LRRIQ3: variants seen among roughly 807,000 people sequenced by gnomAD.
LRRIQ3 encodes leucine rich repeats and IQ motif containing 3, also known as leucine-rich repeat and IQ domain-containing protein 3.
LRRIQ3 carries 75 observed loss-of-function variants against 59.3 expected under a neutral mutation model. The ratio of observed to expected loss-of-function variants is 1.26; its 90% CI spans 1.05 to 1.53. LRRIQ3 has a LOEUF of 1.53. LRRIQ3 is among the 40% of genes most tolerant of loss of function. The pLI, the probability that LRRIQ3 is intolerant of heterozygous loss-of-function variation, is 0.00. For missense variants in LRRIQ3, 831 were observed against 710.0 expected (o/e 1.17, Z -1.94); for synonymous variants, 250 against 231.3 (o/e 1.08, Z -0.73).
chr1:74,138,540 A>C, intron 4 of LRRIQ3: 1 of 970,268 alleles, frequency 1.0e-6, no homozygotes, highest in Non-Finnish European at 1.2e-6. Context: ...AAGGAGAAAA[A>C]CTGCAAGTGG....
intron 7 of LRRIQ3, 68 bp downstream of exon 7, chr1:74,041,145 A>C: frequency 1.5e-6 from 2 of 1,296,048 alleles, no homozygotes; most frequent in Non-Finnish European, 1.1e-6. Flanking sequence ...ATTAGGTCTT[A>C]AAATTTAGCA....
At chr1:74,160,386 A>T (rs1424949503) in intron 3 of LRRIQ3, among the ~76,000 whole-genome samples, 1 of 152,092 alleles carries the variant, frequency 6.6e-6, no homozygotes, top group African/African-American at 2.4e-5. Context: ...TCAGAAATAT[A>T]AATACTTCTG....
chr1:74,187,475 T>C (rs1650478296), intron 1 of LRRIQ3, among the ~76,000 whole-genome samples: 1 of 151,998 alleles, frequency 6.6e-6, no homozygotes, highest in Admixed American at 6.6e-5. Context: ...CAAAGTGAAG[T>C]AACTCAGGAA....
intron 5 of LRRIQ3, among the ~76,000 whole-genome samples, chr1:74,108,567 C>A (rs549273780): frequency 6.6e-6 from 1 of 151,674 alleles, no homozygotes; most frequent in Non-Finnish European, 1.5e-5. Context: ...TGCCTTCTAA[C>A]AATGCTAATG....
At chr1:74,099,519 C>T (rs913316083) in intron 5 of LRRIQ3, among the ~76,000 whole-genome samples, 3 of 152,136 alleles carry the variant, frequency 2.0e-5, no homozygotes, top group Non-Finnish European at 4.4e-5. Flanking sequence ...CTATTCCAAT[C>T]AATAGAAGAA....
At chr1:74,090,291 G>T (rs1178912887) in intron 5 of LRRIQ3, among the ~76,000 whole-genome samples, 2 of 150,044 alleles carry the variant, frequency 1.3e-5, no homozygotes, top group Non-Finnish European at 3.0e-5. Context: ...ATTCAAGATA[G>T]ACTAGTCAGA....
chr1:74,029,246 A>G (rs1185506566), intron 7 of LRRIQ3, among the ~76,000 whole-genome samples: 1 of 152,024 alleles, frequency 6.6e-6, no homozygotes, highest in Non-Finnish European at 1.5e-5. Flanking sequence ...AACTTCCAAC[A>G]CTATGTTGAA....
intron 3 of LRRIQ3, among the ~76,000 whole-genome samples, chr1:74,171,466 T>C (rs1649318149): frequency 6.6e-6 from 1 of 152,200 alleles, no homozygotes; most frequent in Admixed American, 6.5e-5. Context: ...TTGCATAGGT[T>C]GAACCATCCA....
At chr1:74,050,010 G>A (rs112378736) in intron 6 of LRRIQ3, among the ~76,000 whole-genome samples, 2 of 146,866 alleles carry the variant, frequency 1.4e-5, no homozygotes, top group East Asian at 4.1e-4. Flanking sequence ...TGCAACCTCC[G>A]CCTCCCGGAT....
intron 6 of LRRIQ3, among the ~76,000 whole-genome samples, chr1:74,070,531 C>G (rs1315234640): frequency 6.6e-6 from 1 of 151,868 alleles, no homozygotes; most frequent in Admixed American, 6.6e-5. Flanking sequence ...GGGCACTATG[C>G]TTACTACCTG....
intron 4 of LRRIQ3, among the ~76,000 whole-genome samples, chr1:74,121,675 T>C (rs1233730891): frequency 6.6e-6 from 1 of 152,096 alleles, no homozygotes; most frequent in African/African-American, 2.4e-5. Context: ...GTTGGTGTGC[T>C]GCACCCAGTA....
At chr1:74,172,202 T>C (rs1042147381) in intron 3 of LRRIQ3, among the ~76,000 whole-genome samples, 1 of 152,120 alleles carries the variant, frequency 6.6e-6, no homozygotes, top group African/African-American at 2.4e-5. Flanking sequence ...AGATCATTTT[T>C]TCTTTTTTAA....
intron 5 of LRRIQ3, among the ~76,000 whole-genome samples, chr1:74,097,869 AC>A (rs1646470119): frequency 2.0e-5 from 3 of 152,308 alleles, no homozygotes; most frequent in South Asian, 4.1e-4. Context: ...AGATTTTGTC[AC>A]CACCAGGCCT....
At chr1:74,099,155 C>A (rs548053215) in intron 5 of LRRIQ3, among the ~76,000 whole-genome samples, 1 of 152,022 alleles carries the variant, frequency 6.6e-6, no homozygotes, top group African/African-American at 2.4e-5. Flanking sequence ...TGATAGACCA[C>A]TAGCAAGACT....
intron 4 of LRRIQ3, among the ~76,000 whole-genome samples, chr1:74,136,917 C>T (rs990389430): frequency 5.3e-5 from 8 of 151,874 alleles, no homozygotes; most frequent in Non-Finnish European, 7.4e-5. Context: ...AACCTCATAA[C>T]GGTTCTTTAT....
chr1:74,192,903 T>C lies in LRRIQ3; in HGVS notation c.-1+5093A>G, dbSNP rs530768341. Among the ~76,000 whole-genome samples the C allele has an allele frequency of 8.5e-5, 13 of 152,296 alleles. No individual in the cohort carries two copies. The South Asian group carries it at 2.3e-3, about 27-fold the overall frequency. Reference sequence around the variant, plus strand: ...TTTGTTTTAACTACCACATGCAGCATTTCAATTTTGTTTCTCATTATTTAT... The same window carrying C: ...TTTGTTTTAACTACCACATGCAGCACTTCAATTTTGTTTCTCATTATTTAT... On this transcript the variant is annotated intron_variant, in intron 1 of 7. Transcript: ENST00000354431.
chr1:74,188,743 T>C (rs72962163), intron 1 of LRRIQ3, among the ~76,000 whole-genome samples: 2,682 of 152,218 alleles, frequency 0.018, 83 homozygotes, highest in African/African-American at 0.06. Context: ...TAAATGTCTC[T>C]TTCATACACA....
intron 5 of LRRIQ3, among the ~76,000 whole-genome samples, chr1:74,086,115 A>G (rs1646325417): frequency 6.6e-6 from 1 of 152,078 alleles, no homozygotes; most frequent in Non-Finnish European, 1.5e-5. Context: ...TGATAAATTT[A>G]TCTTTGTGAA....
At chr1:74,054,358 G>A (rs1349669152) in intron 6 of LRRIQ3, among the ~76,000 whole-genome samples, 1 of 152,166 alleles carries the variant, frequency 6.6e-6, no homozygotes, top group East Asian at 1.9e-4. Context: ...AAAAACATCA[G>A]TGGTAGCCAG....
Sources: allele counts gnomAD v4.1 joint callset (sites outside exome capture counted in the v4.1 genomes callset), GRCh38; gene constraint gnomAD v4.1.1; transcripts MANE v1.5; gene names NCBI Gene and HGNC (gene_info 2026-07-23, HGNC 2026-07-21).